The following MN1 variants were observed in gnomAD, a reference collection of about 807,000 sequenced individuals.
The protein encoded by MN1 is transcriptional activator MN1.
A neutral mutation model predicts 86.9 loss-of-function variants in MN1; 19 were observed. That is an observed-to-expected ratio of 0.22 (90% CI 0.15 to 0.32). MN1 has a LOEUF of 0.32. Among genes scored for constraint, MN1 ranks in the 10% least tolerant of loss-of-function variants. The pLI is 1.00. For missense variants in MN1, 1,841 were observed against 1,862.0 expected (o/e 0.99, Z 0.21); for synonymous variants, 928 against 849.6 (o/e 1.09, Z -1.60).
chr22:27,763,560 G>A (rs1932848458), intron 1 of MN1, among the ~76,000 whole-genome samples: 1 of 152,216 alleles, frequency 6.6e-6, no homozygotes, highest in African/African-American at 2.4e-5. Flanking sequence ...TCCTTGCAAA[G>A]AAGGGGATGA....
At chr22:27,795,722 TAC>T (rs138609901) in intron 1 of MN1, among the ~76,000 whole-genome samples, 3,172 of 150,520 alleles carry the variant, frequency 0.021, 100 homozygotes, top group African/African-American at 0.064. Context: ...CCTATATATA[TAC>T]ACACACACAC....
intron 1 of MN1, among the ~76,000 whole-genome samples, chr22:27,763,987 G>A (rs1444544553): frequency 6.6e-6 from 1 of 152,184 alleles, no homozygotes; most frequent in Admixed American, 6.5e-5. Flanking sequence ...ACCCAGGCGT[G>A]ACTCCTTCCA....
At chr22:27,787,937 C>T (rs1933157661) in intron 1 of MN1, among the ~76,000 whole-genome samples, 1 of 152,208 alleles carries the variant, frequency 6.6e-6, no homozygotes, top group Admixed American at 6.5e-5. Flanking sequence ...GCTGGGTCCT[C>T]CGGATCTACC....
At chr22:27,786,213 T>C (rs1933130428) in intron 1 of MN1, among the ~76,000 whole-genome samples, 1 of 152,166 alleles carries the variant, frequency 6.6e-6, no homozygotes, top group Non-Finnish European at 1.5e-5. Context: ...AGGAAGGCTG[T>C]GGGGAGCCCA....
At position 27,797,287 on chromosome 22, in the gene MN1, G is replaced by A. The variant is rs1933315678; in HGVS notation, c.3257C>T (p.Pro1086Leu). ...GTGTTCCCCGGCGCCTACCCCACGG[G>A]GAGGGAGTTTGGGCGAGCCGGTCAC... ...PLVTGSPKLP[P>L]RGVGAGEHGP... The change falls in exon 1 of 2, where the codon CCC becomes CTC. Residue 1086 changes from proline (P) to leucine (L), a missense_variant. Physicochemically the swap from Pro to Leu is moderately conservative, Grantham distance 98 (BLOSUM62 -3). Transcript: ENST00000302326. 1 of 1,596,900 alleles carries A rather than the reference G, an allele frequency of 6.3e-7. No individual in the cohort carries two copies. Among genetic ancestry groups the A allele is most frequent in the Admixed American group, 1.7e-5 (1 of 59,354 alleles).
chr22:27,797,186 CG>C lies in MN1; in HGVS notation c.3357del (p.Gly1120AlafsTer58). On this transcript the variant is annotated frameshift_variant, in exon 1 of 2. Transcript: ENST00000302326. LOFTEE classifies it high-confidence loss of function. ...SNSTSTPDSY[G>X]GGGGPGHPGT... ...CCCGGATGGCCCGGGCCCCCACCGC[CG>C]CCGTAGCTGTCAGGGGTCGAGGTAG... 6.4e-7 allele frequency: 1 copy of C among 1,557,872 alleles called. No individual in the cohort carries two copies. Among genetic ancestry groups the C allele is most frequent in the Non-Finnish European group, 8.7e-7 (1 of 1,155,794 alleles).
At chr22:27,756,804 G>A (rs1032945892) in intron 1 of MN1, among the ~76,000 whole-genome samples, 5 of 152,150 alleles carry the variant, frequency 3.3e-5, no homozygotes, top group Admixed American at 2.0e-4. Flanking sequence ...CATCCAGGCT[G>A]GAGTGCAGTG....
intron 1 of MN1, among the ~76,000 whole-genome samples, chr22:27,777,951 G>T (rs1197253130): frequency 2.0e-5 from 3 of 152,060 alleles, no homozygotes; most frequent in Admixed American, 6.6e-5. Flanking sequence ...AGTGACCCAG[G>T]CTGATGACAA....
At chr22:27,791,882 G>C (rs1420410047) in intron 1 of MN1, 1 of 152,214 alleles carries the variant, frequency 6.6e-6, no homozygotes, top group Non-Finnish European at 1.5e-5. Flanking sequence ...CCAGCATAAA[G>C]TGAGTTTAGG....
At chr22:27,767,279 G>T (rs1190804879) in intron 1 of MN1, among the ~76,000 whole-genome samples, 2 of 152,152 alleles carry the variant, frequency 1.3e-5, no homozygotes, top group Non-Finnish European at 2.9e-5. Context: ...GACCTGAAAA[G>T]GAGCTTTTCA....
chr22:27,770,862 T>C (rs1206228507), intron 1 of MN1, among the ~76,000 whole-genome samples: 1 of 151,938 alleles, frequency 6.6e-6, no homozygotes, highest in African/African-American at 2.4e-5. Flanking sequence ...TCTGGCTATG[T>C]TGCCTAGGCT....
chr22:27,796,652 A>G, intron 1 of MN1, 111 bp downstream of exon 1: 2 of 1,106,244 alleles, frequency 1.8e-6, no homozygotes, highest in Non-Finnish European at 1.3e-6. Context: ...GGGGATTAGG[A>G]GGGTTTGTGC....
chr22:27,796,633 C>T, intron 1 of MN1, 130 bp downstream of exon 1: 1 of 909,678 alleles, frequency 1.1e-6, no homozygotes, highest in Non-Finnish European at 1.7e-6. Context: ...GGATAACCAG[C>T]TCCTAGTTGG....
intron 1 of MN1, among the ~76,000 whole-genome samples, chr22:27,752,367 C>A (rs956312132): frequency 2.6e-5 from 4 of 152,192 alleles, no homozygotes; most frequent in Non-Finnish European, 5.9e-5. Flanking sequence ...CAGACCAGCA[C>A]AAAAGCACCA....
chr22:27,749,134 A>G lies in MN1; in HGVS notation c.*1781T>C, dbSNP rs1487721854. ...TCAAGACTGCCCAGGCGAGAACCGC[A>G]GACTCAGACCCCAGCCAAAAGGACC... On this transcript the variant is annotated 3_prime_UTR_variant, in exon 2 of 2. Coordinates refer to ENST00000302326, the MANE Select transcript of MN1 (RefSeq NM_002430.3). 1 of 231,946 alleles carries G rather than the reference A, an allele frequency of 4.3e-6. No individual in the cohort carries two copies. The highest frequency in any genetic ancestry group is 6.1e-5 in the East Asian group (1 of 16,438). 14.4% of individuals were successfully genotyped at this position (231,946 alleles called of 1,614,324 possible).
chr22:27,798,877 A>G lies in MN1; in HGVS notation c.1667T>C (p.Leu556Pro), dbSNP rs1426520717. The G allele has an allele frequency of 6.5e-7, 1 of 1,547,710 alleles. No homozygotes were observed. The highest frequency in any genetic ancestry group is 8.7e-7 in the Non-Finnish European group (1 of 1,147,862). Residue 556 changes from leucine to proline, a missense_variant, in exon 1 of 2, where the codon CTC becomes CCC. By Grantham distance (98) the Leu-to-Pro change is moderately conservative. Transcript: ENST00000302326. ...CCGCGACGCCATCTGCTTAATCATG[A>G]GGGCCGCGTTTTGGCGCTGCTGCTG... ...QQQQQRQNAA[L>P]MIKQMASRNQ...
chr22:27,772,039 T>G (rs1932921570), intron 1 of MN1, among the ~76,000 whole-genome samples: 1 of 152,202 alleles, frequency 6.6e-6, no homozygotes. Context: ...TACTATTTGC[T>G]GAGGCTTCTC....
chr22:27,760,695 C>T (rs554818294), intron 1 of MN1, among the ~76,000 whole-genome samples: 44 of 152,326 alleles, frequency 2.9e-4, no homozygotes, highest in Non-Finnish European at 4.4e-5. Context: ...ACCGGGGCCA[C>T]GCAGAGCCCG....
chr22:27,775,948 G>GA (rs112933854), intron 1 of MN1, among the ~76,000 whole-genome samples: 21,570 of 151,936 alleles, frequency 0.14, 1,829 homozygotes, highest in African/African-American at 0.22. Context: ...AAAAGGGAAG[G>GA]AAAAAAAATC....
Sources: gnomAD v4.1 joint callset for allele counts (sites outside exome capture counted in the v4.1 genomes callset) on GRCh38, gnomAD v4.1.1 for gene constraint, MANE v1.5 for transcripts, NCBI Gene and HGNC (gene_info 2026-07-23, HGNC 2026-07-21) for gene names.